The following CFAP96 variants were observed in gnomAD, a reference collection of about 807,000 sequenced individuals.
CFAP96 encodes cilia-and flagella-associated protein 96.
chr4:185,445,288 C>G, the CFAP96 span: 1 of 733,604 alleles, frequency 1.4e-6, no homozygotes, highest in Non-Finnish European at 2.2e-6. Context: ...GGTACCTGCC[C>G]TCCCTTGTAG....
At chr4:185,425,681 G>A in the CFAP96 span, among the ~76,000 whole-genome samples, 1 of 152,052 alleles carries the variant, frequency 6.6e-6, no homozygotes, top group South Asian at 2.1e-4. Flanking sequence ...ACTTGTGTAG[G>A]GCACTTTCCC....
the CFAP96 span, chr4:185,422,687 G>T: frequency 2.9e-6 from 2 of 694,182 alleles, no homozygotes; most frequent in African/African-American, 1.9e-5. Flanking sequence ...ATTATTTCAT[G>T]AGTTAATTCC....
chr4:185,449,534 A>AT, the CFAP96 span: 1 of 1,097,542 alleles, frequency 9.1e-7, no homozygotes, highest in Non-Finnish European at 1.3e-6. Flanking sequence ...AAAAAAAAAA[A>AT]GAATGTACAG....
the CFAP96 span, among the ~76,000 whole-genome samples, chr4:185,437,257 A>G: frequency 6.6e-6 from 1 of 152,206 alleles, no homozygotes; most frequent in East Asian, 1.9e-4. Flanking sequence ...TGCCTCTTAC[A>G]CTCACTGTGT....
the CFAP96 span, among the ~76,000 whole-genome samples, chr4:185,434,782 A>G: frequency 6.6e-6 from 1 of 151,874 alleles, no homozygotes; most frequent in East Asian, 1.9e-4. Context: ...TCTGTCATCC[A>G]AGCTGGAGTG....
At chr4:185,415,693 A>C in the CFAP96 span, 2 of 1,598,964 alleles carry the variant, frequency 1.3e-6, no homozygotes, top group Non-Finnish European at 1.7e-6. Context: ...TGGCAGTGGT[A>C]CTATAAAAAT....
the CFAP96 span, among the ~76,000 whole-genome samples, chr4:185,418,046 A>AC: frequency 1.5e-5 from 2 of 132,778 alleles, no homozygotes; most frequent in African/African-American, 5.6e-5. Context: ...CTCCATCTCA[A>AC]AACACACACA....
At chr4:185,410,619 G>A in the CFAP96 span, among the ~76,000 whole-genome samples, 1 of 151,668 alleles carries the variant, frequency 6.6e-6, no homozygotes, top group Non-Finnish European at 1.5e-5. Flanking sequence ...CTGCACTCTA[G>A]CCTGGGCAAC....
the CFAP96 span, among the ~76,000 whole-genome samples, chr4:185,442,478 A>G: frequency 6.6e-6 from 1 of 152,098 alleles, no homozygotes. Context: ...CATTATAAAA[A>G]CATTTGATTT....
the CFAP96 span, chr4:185,436,423 C>A: frequency 1.6e-6 from 2 of 1,246,812 alleles, no homozygotes; most frequent in Middle Eastern, 2.6e-4. Context: ...ATTAATAATT[C>A]ACTTGAGGCC....
chr4:185,435,778 ATTG>A, the CFAP96 span, among the ~76,000 whole-genome samples: 1 of 152,222 alleles, frequency 6.6e-6, no homozygotes, highest in Non-Finnish European at 1.5e-5. Flanking sequence ...GACTCTGTTT[ATTG>A]TTACAGTTAA....
the CFAP96 span, chr4:185,440,818 T>C: frequency 5.7e-4 from 60 of 106,124 alleles, 7 homozygotes; most frequent in Middle Eastern, 4.8e-3. Context: ...AATAAACTTT[T>C]GTTTGTATGG....
the CFAP96 span, chr4:185,449,608 A>C: frequency 6.5e-7 from 1 of 1,543,966 alleles, no homozygotes; most frequent in South Asian, 1.2e-5. Context: ...CACTAAATTC[A>C]AAGAACTACA....
the CFAP96 span, among the ~76,000 whole-genome samples, chr4:185,448,962 C>T: frequency 1.3e-5 from 2 of 152,120 alleles, no homozygotes; most frequent in South Asian, 4.1e-4. Context: ...ATTGAAATCT[C>T]TTTCTTTTTA....
the CFAP96 span, among the ~76,000 whole-genome samples, chr4:185,409,175 C>T: frequency 5.2e-3 from 787 of 152,254 alleles, 5 homozygotes; most frequent in South Asian, 7.7e-3. Flanking sequence ...GGGTCCATAT[C>T]ATGGGACACA....
At chr4:185,433,950 G>A in the CFAP96 span, among the ~76,000 whole-genome samples, 3 of 151,860 alleles carry the variant, frequency 2.0e-5, no homozygotes, top group Non-Finnish European at 2.9e-5. Flanking sequence ...TGGGTGCAGT[G>A]GCTCATGCCT....
At chr4:185,423,794 A>C in the CFAP96 span, among the ~76,000 whole-genome samples, 1 of 152,110 alleles carries the variant, frequency 6.6e-6, no homozygotes, top group Non-Finnish European at 1.5e-5. Flanking sequence ...ACATATTCAT[A>C]CATATATACA....
chr4:185,439,440 A>G, the CFAP96 span, among the ~76,000 whole-genome samples: 3 of 152,294 alleles, frequency 2.0e-5, no homozygotes, highest in South Asian at 4.1e-4. Flanking sequence ...CCTAGTAGCG[A>G]AAGTTAGTCT....
the CFAP96 span, among the ~76,000 whole-genome samples, chr4:185,444,660 GACTC>G: frequency 6.6e-6 from 1 of 151,914 alleles, no homozygotes; most frequent in Non-Finnish European, 1.5e-5. Flanking sequence ...CTTACTAATA[GACTC>G]ACTTTCTAAC....
Sources: gnomAD v4.1 joint callset for allele counts (sites outside exome capture counted in the v4.1 genomes callset) on GRCh38, gnomAD v4.1.1 for gene constraint, MANE v1.5 for transcripts, NCBI Gene and HGNC (gene_info 2026-07-23, HGNC 2026-07-21) for gene names.